The following MCC variants were observed in gnomAD, a reference collection of about 807,000 sequenced individuals.
The protein encoded by MCC is colorectal mutant cancer protein.
A neutral mutation model predicts 116.2 loss-of-function variants in MCC; 90 were observed. The observed-to-expected ratio is 0.77, with a 90% CI of 0.65 to 0.92. MCC has a LOEUF of 0.92. Ranked by LOEUF, MCC falls within the 40% of genes least tolerant of loss-of-function variation. The probability of loss-of-function intolerance (pLI) is 0.00; values close to 1 mark genes in which losing one functional copy is unlikely to be tolerated. For missense variants in MCC, 1,516 were observed against 1,312.2 expected (o/e 1.16, Z -2.40); for synonymous variants, 578 against 510.5 (o/e 1.13, Z -1.78).
At chr5:113,118,612 C>T (rs1046591063) in intron 6 of MCC, among the ~76,000 whole-genome samples, 1 of 152,186 alleles carries the variant, frequency 6.6e-6, no homozygotes, top group Non-Finnish European at 1.5e-5. Flanking sequence ...TACACTGCAG[C>T]AAATTCTGCA....
At chr5:113,343,969 C>A (rs1768073229) in intron 2 of MCC, among the ~76,000 whole-genome samples, 1 of 152,110 alleles carries the variant, frequency 6.6e-6, no homozygotes. Context: ...TAAGAACTAA[C>A]CATCAGGTAA....
Position 113,481,664 on chromosome 5 carries a change from G to A in MCC, c.170+6581C>T, listed in dbSNP as rs192071787. On this transcript the variant is annotated intron_variant, in intron 1 of 18. Coordinates refer to ENST00000408903, the MANE Select transcript of MCC (RefSeq NM_001085377.2). Reference sequence around the variant, plus strand: ...TGAGGCAGAAGAATCGCTTGAACCCGGGAGGCGGAGATTGCAGTGAGCCGA... The same window carrying A: ...TGAGGCAGAAGAATCGCTTGAACCCAGGAGGCGGAGATTGCAGTGAGCCGA... Among the ~76,000 whole-genome samples the A allele has an allele frequency of 6.2e-3, 947 of 152,174 alleles. 11 individuals are homozygous for A. Among genetic ancestry groups the A allele is most frequent in the African/African-American group, 0.022 (911 of 41,518 alleles).
intron 14 of MCC, among the ~76,000 whole-genome samples, chr5:113,054,254 C>A (rs1266398109): frequency 6.6e-6 from 1 of 152,156 alleles, no homozygotes; most frequent in South Asian, 2.1e-4. Flanking sequence ...GGAACATAAT[C>A]TAAAATACAG....
chr5:113,065,823 C>CA (rs1283801771), intron 13 of MCC, among the ~76,000 whole-genome samples: 2 of 152,198 alleles, frequency 1.3e-5, no homozygotes, highest in East Asian at 3.8e-4. Flanking sequence ...TATGATGGGC[C>CA]AGCCACTCCT....
chr5:113,323,658 T>C (rs2150372061), intron 3 of MCC, among the ~76,000 whole-genome samples: 1 of 152,310 alleles, frequency 6.6e-6, no homozygotes, highest in Non-Finnish European at 1.5e-5. Flanking sequence ...AAGTTTAAAT[T>C]ATATTCTTAA....
intron 3 of MCC, among the ~76,000 whole-genome samples, chr5:113,230,643 T>C (rs1406228542): frequency 6.6e-6 from 1 of 152,188 alleles, no homozygotes; most frequent in African/African-American, 2.4e-5. Context: ...TAACATAGTC[T>C]AATTTGGAAA....
intron 3 of MCC, among the ~76,000 whole-genome samples, chr5:113,244,132 T>C (rs1005065719): frequency 3.3e-5 from 5 of 152,212 alleles, no homozygotes; most frequent in Admixed American, 6.5e-5. Context: ...CATAATTGAT[T>C]CTAATAGATC....
At chr5:113,093,716 G>C (rs1054214750) in intron 8 of MCC, among the ~76,000 whole-genome samples, 1 of 151,726 alleles carries the variant, frequency 6.6e-6, no homozygotes, top group Admixed American at 6.6e-5. Flanking sequence ...ACAATTGTGG[G>C]AGCACAGACA....
chr5:113,452,871 T>C (rs1162917299), intron 1 of MCC, among the ~76,000 whole-genome samples: 1 of 152,248 alleles, frequency 6.6e-6, no homozygotes, highest in Non-Finnish European at 1.5e-5. Flanking sequence ...TTTGCCTTTA[T>C]GTGTCCTTTA....
chr5:113,287,244 T>A (rs939987174), intron 3 of MCC, among the ~76,000 whole-genome samples: 1 of 152,186 alleles, frequency 6.6e-6, no homozygotes, highest in Non-Finnish European at 1.5e-5. Flanking sequence ...ACCCCTCCTC[T>A]CAGAATCTAG....
chr5:113,139,867 G>A (rs927430046), intron 5 of MCC, among the ~76,000 whole-genome samples: 1 of 152,138 alleles, frequency 6.6e-6, no homozygotes, highest in Admixed American at 6.5e-5. Context: ...GACTATAGGT[G>A]TGCACCACCA....
intron 17 of MCC, among the ~76,000 whole-genome samples, chr5:113,030,611 T>A (rs1750885773): frequency 1.3e-5 from 2 of 151,620 alleles, no homozygotes; most frequent in African/African-American, 4.9e-5. Context: ...GTCCAGGAGG[T>A]CAAGACCAGT....
rs114762144 is a variant in MCC, at chr5:113,047,248, C to T, written c.2655+1845G>A. 6.9e-3 allele frequency among the ~76,000 whole-genome samples: 1,053 copies of T among 152,336 alleles called. 13 individuals are homozygous for T. Among genetic ancestry groups the T allele is most frequent in the Non-Finnish European group, 0.011 (720 of 68,018 alleles). On this transcript the variant is annotated intron_variant, in intron 16 of 18. Coordinates refer to ENST00000408903, the MANE Select transcript of MCC (RefSeq NM_001085377.2). ...CACCCATTTGCCCACCAGTCTCCTC[C>T]TAAGAATGTAAATTCCTAGAGGACA...
chr5:113,122,903 A>C lies in MCC; in HGVS notation c.885-77T>G, dbSNP rs1757822884. 5.5e-6 allele frequency: 8 copies of C among 1,455,402 alleles called. No individual in the cohort carries two copies. The South Asian group carries it at 6.0e-5, about 11-fold the overall frequency. 90.2% of individuals were successfully genotyped at this position (1,455,402 alleles called of 1,614,324 possible). On this transcript the variant is annotated intron_variant, in intron 5 of 18. Transcript: ENST00000408903. ...CCTAGAGAATATGTCTTTTAAGGAC[A>C]AGAAAAAGACATTGAGAGAGAAAAC...
At chr5:113,319,329 G>A (rs1767362945) in intron 3 of MCC, among the ~76,000 whole-genome samples, 1 of 152,186 alleles carries the variant, frequency 6.6e-6, no homozygotes. Flanking sequence ...AAGCAGAGAG[G>A]TATTAGTGAA....
intron 14 of MCC, among the ~76,000 whole-genome samples, chr5:113,061,596 C>G (rs1753220956): frequency 6.6e-6 from 1 of 152,218 alleles, no homozygotes; most frequent in African/African-American, 2.4e-5. Flanking sequence ...TGAGGGTTGG[C>G]TATCACTTTT....
chr5:113,178,924 T>A lies in MCC; in HGVS notation c.628-27502A>T, dbSNP rs986555657. Among the ~76,000 whole-genome samples the A allele has an allele frequency of 3.5e-3, 148 of 41,826 alleles. 1 individual carries two copies. The highest frequency in any genetic ancestry group is 7.5e-3 in the African/African-American group (145 of 19,398). 27.4% of individuals were successfully genotyped at this position (41,826 alleles called of 152,430 possible). A position where few individuals can be genotyped will look rare whatever the true frequency, so the allele number is the denominator to read the frequency against. On this transcript the variant is annotated intron_variant, in intron 3 of 18. Transcript: ENST00000408903. ...TCATTTATCTTATCAAAAAAAATCTTATAATATTTACACATACTCTAAGAA... is the reference window on the plus strand; with the variant it reads ...TCATTTATCTTATCAAAAAAAATCTAATAATATTTACACATACTCTAAGAA...
intron 3 of MCC, among the ~76,000 whole-genome samples, chr5:113,328,463 G>C (rs539973384): frequency 1.3e-5 from 2 of 152,220 alleles, no homozygotes; most frequent in Admixed American, 6.5e-5. Flanking sequence ...AGTTAATGTG[G>C]GATCCACCTC....
intron 2 of MCC, among the ~76,000 whole-genome samples, chr5:113,366,090 C>T (rs1768680374): frequency 6.6e-6 from 1 of 151,804 alleles, no homozygotes; most frequent in African/African-American, 2.4e-5. Flanking sequence ...AACTAATGTC[C>T]TCAAACCCCT....
Sources: gnomAD v4.1 joint callset for allele counts (sites outside exome capture counted in the v4.1 genomes callset) on GRCh38, gnomAD v4.1.1 for gene constraint, MANE v1.5 for transcripts, NCBI Gene and HGNC (gene_info 2026-07-23, HGNC 2026-07-21) for gene names.